PLD1: variants seen among roughly 807,000 people sequenced by gnomAD.
PLD1 encodes phospholipase D1, also known as choline phosphatase 1.
In PLD1, 112 loss-of-function variants were observed where a neutral mutation model predicts 137.1. The observed-to-expected ratio is 0.82, with a 90% CI of 0.70 to 0.96. The LOEUF (loss-of-function observed/expected upper bound fraction) is 0.96. Ranked by LOEUF, PLD1 falls within the 40% of genes least tolerant of loss-of-function variation. The pLI is 0.00. For missense variants in PLD1, 1,321 were observed against 1,342.0 expected (o/e 0.98, Z 0.24); for synonymous variants, 431 against 454.7 (o/e 0.95, Z 0.66).
At chr3:171,803,245 C>G (rs1723714638) in intron 1 of PLD1, among the ~76,000 whole-genome samples, 1 of 152,184 alleles carries the variant, frequency 6.6e-6, no homozygotes, top group African/African-American at 2.4e-5. Flanking sequence ...GAGATAAGAA[C>G]ATTGCATAAC....
chr3:171,623,172 A>G (rs548607327), intron 23 of PLD1, among the ~76,000 whole-genome samples: 98 of 152,250 alleles, frequency 6.4e-4, no homozygotes, highest in Middle Eastern at 6.8e-3. Context: ...AATGTAATGT[A>G]ATATAAGGTA....
intron 8 of PLD1, among the ~76,000 whole-genome samples, chr3:171,723,906 T>C (rs1718318923): frequency 6.6e-6 from 1 of 152,212 alleles, no homozygotes; most frequent in African/African-American, 2.4e-5. Flanking sequence ...TTCTGTGGTT[T>C]ATCTCTTCAC....
At chr3:171,731,743 G>T (rs914316120) in intron 6 of PLD1, among the ~76,000 whole-genome samples, 1 of 151,864 alleles carries the variant, frequency 6.6e-6, no homozygotes, top group Non-Finnish European at 1.5e-5. Flanking sequence ...CTGCACTCCA[G>T]CCTGGGAAAC....
intron 25 of PLD1, 127 bp from the exon 26 acceptor site, chr3:171,605,543 T>C (rs1732140047): frequency 1.5e-6 from 1 of 653,602 alleles, no homozygotes; most frequent in African/African-American, 1.8e-5. Flanking sequence ...GACCATGACC[T>C]AGCTACTCTC....
intron 1 of PLD1, among the ~76,000 whole-genome samples, chr3:171,776,996 A>G (rs1722613936): frequency 6.6e-6 from 1 of 152,158 alleles, no homozygotes; most frequent in South Asian, 2.1e-4. Flanking sequence ...CCCTTCTCAT[A>G]TAATACATGA....
chr3:171,653,609 C>T (rs1736965594), intron 21 of PLD1: 1 of 152,166 alleles, frequency 6.6e-6, no homozygotes, highest in Non-Finnish European at 1.5e-5. Context: ...AAATACGGAA[C>T]ATTTAAGCAT....
At chr3:171,716,264 T>C (rs1396995380) in intron 8 of PLD1, among the ~76,000 whole-genome samples, 9 of 152,204 alleles carry the variant, frequency 5.9e-5, no homozygotes, top group Admixed American at 5.9e-4. Flanking sequence ...AATAATGGAA[T>C]TGCTGGGTTA....
At chr3:171,763,523 CGGAGGGGAGGAGAGGGGAGGGGAGGGGA>C (rs2108312145) in intron 1 of PLD1, among the ~76,000 whole-genome samples, 1 of 5,862 alleles carries the variant, frequency 1.7e-4, no homozygotes, top group Non-Finnish European at 3.0e-4. Flanking sequence ...GGGAAGGGAG[CGGAGGGGAGGAGAGGGGAGGGGAGGGGA>C]GGGGAGAGAC....
intron 1 of PLD1, among the ~76,000 whole-genome samples, chr3:171,797,412 AGCATTATCTCG>A (rs1723475335): frequency 6.6e-6 from 1 of 152,214 alleles, no homozygotes; most frequent in Admixed American, 6.5e-5. Context: ...CAGCAGCATC[AGCATTATCTCG>A]GAGCTTGTTA....
intron 1 of PLD1, among the ~76,000 whole-genome samples, chr3:171,779,265 G>A (rs1010154076): frequency 1.4e-4 from 22 of 152,182 alleles, no homozygotes; most frequent in African/African-American, 5.1e-4. Context: ...GAATATTGCA[G>A]TAGTCCAGGT....
chr3:171,734,166 G>A (rs2108259492), intron 5 of PLD1, among the ~76,000 whole-genome samples: 2 of 152,226 alleles, frequency 1.3e-5, no homozygotes, highest in South Asian at 4.1e-4. Context: ...ATATGTCTAG[G>A]TATCTTGGAA....
At position 171,603,085 on chromosome 3, in the gene PLD1, CA is replaced by C. The variant is rs1281916354; in HGVS notation, c.3217del (p.Trp1073GlyfsTer22). The C allele has an allele frequency of 6.2e-7, 1 of 1,611,742 alleles. No homozygotes were observed. Among genetic ancestry groups the C allele is most frequent in the African/African-American group, 1.3e-5 (1 of 74,852 alleles). On this transcript the variant is annotated frameshift_variant, in exon 27 of 27. Coordinates refer to ENST00000351298, the MANE Select transcript of PLD1 (RefSeq NM_002662.5). LOFTEE classifies it high-confidence loss of function. Reference protein sequence around the residue: ...TKEAIVPMEVWT With the variant: ...TKEAIVPMEVXT ...GCTGCCAATGAATATCTCTTAAGTC[CA>C]AACCTCCATGGGCACTATGGCCTCT...
At chr3:171,626,053 C>A (rs553361568) in intron 23 of PLD1, among the ~76,000 whole-genome samples, 1 of 152,086 alleles carries the variant, frequency 6.6e-6, no homozygotes, top group African/African-American at 2.4e-5. Context: ...CAAACTACTC[C>A]GAGCTACAGG....
At chr3:171,639,848 C>CTCTCTCTCTCTCTCTATATATATA (rs3050415) in intron 23 of PLD1, among the ~76,000 whole-genome samples, 2 of 110,214 alleles carry the variant, frequency 1.8e-5, no homozygotes, top group African/African-American at 7.8e-5. Context: ...CTCTCTCTCT[C>CTCTCTCTCTCTCTCTATATATATA]TATATATATA....
chr3:171,781,680 T>G (rs960214179), intron 1 of PLD1, among the ~76,000 whole-genome samples: 3 of 152,102 alleles, frequency 2.0e-5, no homozygotes, highest in Admixed American at 2.0e-4. Context: ...AAAAACGCAA[T>G]GAGGTACTGC....
At chr3:171,700,348 T>C (rs942372864) in intron 11 of PLD1, among the ~76,000 whole-genome samples, 1 of 150,616 alleles carries the variant, frequency 6.6e-6, no homozygotes, top group Non-Finnish European at 1.5e-5. Flanking sequence ...TCTCTCTCTC[T>C]CTCCCTCTCC....
rs559643066 is a variant in PLD1, at chr3:171,602,983, C to T, written c.*95G>A. 4.6e-5 allele frequency: 39 copies of T among 854,370 alleles called. No homozygotes were observed. The South Asian group carries it at 5.1e-4, about 11-fold the overall frequency. The allele number at this position is 854,370 out of a possible 1,614,324, so 52.9% of individuals were successfully genotyped here. On this transcript the variant is annotated 3_prime_UTR_variant, in exon 27 of 27. Transcript: ENST00000351298. ...GGTCCTTGGGTTGGATACGAGAATG[C>T]GTCAGGCCTGGCTTTGGCTATGACA...
intron 11 of PLD1, among the ~76,000 whole-genome samples, chr3:171,700,069 G>A (rs1261297621): frequency 7.2e-6 from 1 of 139,422 alleles, no homozygotes; most frequent in Non-Finnish European, 1.5e-5. Flanking sequence ...CTCTTTAACT[G>A]TCTCTCATAC....
chr3:171,689,488 C>CTCCTTCCT (rs200165498), intron 13 of PLD1, among the ~76,000 whole-genome samples: 84 of 149,736 alleles, frequency 5.6e-4, no homozygotes, highest in African/African-American at 1.2e-3. Context: ...CCTTCCTTCC[C>CTCCTTCCT]TCCTTCCTTC....
Sources: gnomAD v4.1 joint callset for allele counts (sites outside exome capture counted in the v4.1 genomes callset) on GRCh38, gnomAD v4.1.1 for gene constraint, MANE v1.5 for transcripts, NCBI Gene and HGNC (gene_info 2026-07-23, HGNC 2026-07-21) for gene names.